The following LVRN variants were observed in gnomAD, a reference collection of about 807,000 sequenced individuals.
LVRN encodes laeverin.
LVRN carries 99 observed loss-of-function variants against 111.4 expected under a neutral mutation model. The ratio of observed to expected loss-of-function variants is 0.89; its 90% CI spans 0.76 to 1.05. The LOEUF is 1.05. Among genes scored for constraint, LVRN ranks in the 50% least tolerant of loss-of-function variants. The pLI is 0.00. For synonymous variants in LVRN, 488 were observed against 449.5 expected, an observed-to-expected ratio of 1.09 and a Z score of -1.08; for missense variants, 1,414 against 1,206.8, an observed-to-expected ratio of 1.17 and a Z score of -2.54.
rs773615364 is a variant in LVRN at position 115,962,504 on chromosome 5, G to T, written c.-114G>T. The stretch of plus-strand genomic sequence containing the variant: ...CGTCCAGGCTCTTCCAGGAGGAAGA[G>T]GCACGATACAAGAGAGGAGGGGCAG... On this transcript the variant is annotated 5_prime_UTR_variant, in exon 1 of 20. In the 5' UTR this introduces an upstream ATG that the reference lacks. Transcript: ENST00000357872. The T allele has an allele frequency of 9.4e-6, 9 of 952,804 alleles. No individual in the cohort carries two copies. Among genetic ancestry groups the T allele is most frequent in the Non-Finnish European group, 1.3e-5 (8 of 628,266 alleles). The allele number at this position is 952,804 out of a possible 1,614,324, so 59.0% of individuals were successfully genotyped here. A position where few individuals can be genotyped will look rare whatever the true frequency, so the allele number is the denominator to read the frequency against.
Position 115,963,269 on chromosome 5 carries a change from G to A in LVRN, c.652G>A (p.Glu218Lys), listed in dbSNP as rs1437005410. Residue 218 changes from glutamate to lysine, a missense_variant, in exon 1 of 20, where the codon GAG (glutamate) becomes AAG (lysine). By Grantham distance (56) the Glu-to-Lys change is moderately conservative. Coordinates refer to ENST00000357872, the MANE Select transcript of LVRN (RefSeq NM_173800.5). ...GGGCCTGGTGAAGGAAGACCTCAGG[G>A]AGGGACTCTTCCTCAACGTCTACAC... is the stretch of plus-strand genomic sequence containing the variant. The part of the protein sequence containing the change: ...FSGLVKEDLR[E>K]GLFLNVYTDQ... 6.2e-7 allele frequency: 1 copy of A among 1,612,654 alleles called. No homozygotes were observed. Among genetic ancestry groups the A allele is most frequent in the Non-Finnish European group, 8.5e-7 (1 of 1,179,886 alleles).
At position 116,015,233 on chromosome 5, in the gene LVRN, T is replaced by C; in HGVS notation, c.2451-19T>C. ...ACATAACTACTATGAAAAATATCAT[T>C]TTATGTTATATTTTACAGAATACCT... On this transcript the variant is annotated intron_variant, in intron 16 of 19. Transcript: ENST00000357872. 1.3e-6 allele frequency: 2 copies of C among 1,527,966 alleles called. No homozygotes were observed. The highest frequency in any genetic ancestry group is 1.8e-6 in the Non-Finnish European group (2 of 1,134,620). 94.7% of individuals were successfully genotyped at this position (1,527,966 alleles called of 1,614,324 possible).
At chr5:115,978,773 C>G (rs893256632) in intron 1 of LVRN, among the ~76,000 whole-genome samples, 1 of 152,026 alleles carries the variant, frequency 6.6e-6, no homozygotes, top group Non-Finnish European at 1.5e-5. Flanking sequence ...TCTTCTTTGC[C>G]TATCTTGATA....
chr5:115,963,693 C>T (rs1294627343), intron 1 of LVRN, among the ~76,000 whole-genome samples: 5 of 152,190 alleles, frequency 3.3e-5, no homozygotes, highest in African/African-American at 1.2e-4. Context: ...GAACATCACA[C>T]ACCGCGACGT....
intron 18 of LVRN, among the ~76,000 whole-genome samples, chr5:116,016,737 C>T (rs1748608412): frequency 6.6e-6 from 1 of 152,104 alleles, no homozygotes; most frequent in Non-Finnish European, 1.5e-5. Flanking sequence ...TATAGTTCTT[C>T]CAAACTCCAG....
At chr5:115,968,602 C>A (rs1490791673) in intron 1 of LVRN, among the ~76,000 whole-genome samples, 3 of 152,052 alleles carry the variant, frequency 2.0e-5, no homozygotes, top group Non-Finnish European at 4.4e-5. Flanking sequence ...GGTCCCCCAC[C>A]CTTTTTGATA....
At chr5:116,002,728 A>G in intron 10 of LVRN, 107 bp from the exon 11 acceptor site, 1 of 798,196 alleles carries the variant, frequency 1.3e-6, no homozygotes, top group Non-Finnish European at 2.0e-6. Context: ...GAGAATGACC[A>G]AAGAAACTGA....
At chr5:115,984,777 G>T in intron 3 of LVRN, 68 bp downstream of exon 3, 2 of 1,580,346 alleles carry the variant, frequency 1.3e-6, no homozygotes, top group Non-Finnish European at 1.7e-6. Context: ...TATTCTTTCT[G>T]CATCCAGTGG....
At chr5:116,006,552 C>G (rs183421629) in intron 13 of LVRN, among the ~76,000 whole-genome samples, 1 of 152,232 alleles carries the variant, frequency 6.6e-6, no homozygotes, top group East Asian at 1.9e-4. Context: ...TTGACTACAT[C>G]CACCTGAAAA....
intron 2 of LVRN, 79 bp from the exon 3 acceptor site, chr5:115,984,491 C>G (rs1479106125): frequency 6.6e-7 from 1 of 1,514,504 alleles, no homozygotes; most frequent in Non-Finnish European, 9.0e-7. Context: ...AGCTGGGTGA[C>G]AATTGACTTG....
In LVRN at chr5:116,002,863, A is replaced by AT; in HGVS notation, c.1850dup (p.Asn619LysfsTer26). ...CACATGGATTGTCCCTATTCTTTGG[A>AT]TAAAAAATGGAACTACACAACCTTT... is the stretch of plus-strand genomic sequence containing the variant. On this transcript the variant is annotated frameshift_variant, in exon 11 of 20. Transcript: ENST00000357872. LOFTEE classifies it high-confidence loss of function. The AT allele has an allele frequency of 6.2e-7, 1 of 1,610,896 alleles. No homozygotes were observed. Among genetic ancestry groups the AT allele is most frequent in the Non-Finnish European group, 8.5e-7 (1 of 1,177,854 alleles).
chr5:115,976,065 A>G (rs1753442557), intron 1 of LVRN: 1 of 152,842 alleles, frequency 6.5e-6, no homozygotes, highest in Admixed American at 6.6e-5. Flanking sequence ...ACACCAACTA[A>G]GTCGTTCTTC....
intron 16 of LVRN, among the ~76,000 whole-genome samples, chr5:116,014,756 G>T (rs1748564715): frequency 6.6e-6 from 1 of 152,082 alleles, no homozygotes; most frequent in South Asian, 2.1e-4. Flanking sequence ...ACCTCTCATT[G>T]CCAAAGCACT....
At chr5:115,991,209 G>T (rs1179654872) in intron 4 of LVRN, among the ~76,000 whole-genome samples, 1 of 151,980 alleles carries the variant, frequency 6.6e-6, no homozygotes, top group Non-Finnish European at 1.5e-5. Flanking sequence ...ATCCTCCCCT[G>T]CTTCCCCCGA....
In LVRN at chr5:116,022,510, C is replaced by T. The variant is rs752996227; in HGVS notation, c.2832+44C>T. ...ATGAAATACAATGATAATTTGGAAACCACTTTTTATGCAATTTGGACTTGC... is the reference window on the plus strand; with the variant it reads ...ATGAAATACAATGATAATTTGGAAATCACTTTTTATGCAATTTGGACTTGC... On this transcript the variant is annotated intron_variant, in intron 19 of 19. Coordinates refer to ENST00000357872, the MANE Select transcript of LVRN (RefSeq NM_173800.5). The T allele has an allele frequency of 2.2e-6, 3 of 1,350,522 alleles. No homozygotes were observed. The South Asian group carries it at 3.8e-5, about 17-fold the overall frequency. 83.7% of individuals were successfully genotyped at this position (1,350,522 alleles called of 1,614,324 possible). A position where few individuals can be genotyped will look rare whatever the true frequency, so the allele number is the denominator to read the frequency against.
intron 14 of LVRN, 96 bp from the exon 15 acceptor site, chr5:116,012,278 T>C: frequency 1.5e-6 from 1 of 680,724 alleles, no homozygotes; most frequent in South Asian, 1.7e-5. Context: ...CTGCCACTTG[T>C]CTATCAATGT....
chr5:116,011,254 G>T lies in LVRN; in HGVS notation c.2247+360G>T, dbSNP rs574190944. 2.0e-5 allele frequency among the ~76,000 whole-genome samples: 3 copies of T among 151,330 alleles called. No individual in the cohort carries two copies. In the East Asian group the frequency reaches 5.8e-4, roughly 29 times the overall value. ...AACTATTTTCCTAAGAGATTGTTAG[G>T]CAGCCAGAATGAAATGTAACAACTC... On this transcript the variant is annotated intron_variant, in intron 14 of 19. Transcript: ENST00000357872.
chr5:115,993,669 C>T (rs1748044306), intron 5 of LVRN, 72 bp from the exon 6 acceptor site: 1 of 935,784 alleles, frequency 1.1e-6, no homozygotes. Context: ...ATTTACTTAA[C>T]ATGCAATTAC....
Position 115,963,023 on chromosome 5 carries a change from C to G in LVRN, c.406C>G (p.Arg136Gly). The change falls in exon 1 of 20, where the codon CGC becomes GGC. Residue 136 changes from arginine to glycine, a missense_variant. Coordinates refer to ENST00000357872, the MANE Select transcript of LVRN (RefSeq NM_173800.5). ...PFTGRVNITVRCTVATSRLLL... is the reference protein window; with the variant it reads ...PFTGRVNITVGCTVATSRLLL... The stretch of plus-strand genomic sequence containing the variant: ...CACTGGCCGCGTGAACATCACGGTG[C>G]GCTGCACGGTGGCCACCTCTCGACT... 1 of 1,613,610 alleles carries G rather than the reference C, an allele frequency of 6.2e-7. No homozygotes were observed. Among genetic ancestry groups the G allele is most frequent in the South Asian group, 1.1e-5 (1 of 91,066 alleles).
Sources: allele counts gnomAD v4.1 joint callset (sites outside exome capture counted in the v4.1 genomes callset), GRCh38; gene constraint gnomAD v4.1.1; transcripts MANE v1.5; gene names NCBI Gene and HGNC (gene_info 2026-07-23, HGNC 2026-07-21).